ABI2: variants seen among roughly 807,000 people sequenced by gnomAD.
ABI2 encodes the protein abelson interactor 2.
In ABI2, 25 loss-of-function variants were observed where a neutral mutation model predicts 59.2. That is an observed-to-expected ratio of 0.42 (90% CI 0.31 to 0.59). The LOEUF (loss-of-function observed/expected upper bound fraction) is 0.59. ABI2 is among the 20% of genes least tolerant of loss of function. The pLI is 0.14. For synonymous variants in ABI2, 213 were observed against 235.5 expected (o/e 0.90, Z 0.87); for missense variants, 545 against 681.8 (o/e 0.80, Z 2.23).
chr2:203,380,173 C>T, intron 2 of ABI2, 35 bp from the exon 3 acceptor site: 2 of 1,367,712 alleles, frequency 1.5e-6, no homozygotes, highest in Non-Finnish European at 2.0e-6. Flanking sequence ...TAGAACTATA[C>T]ATTTTTGTGT....
At chr2:203,421,441 A>T (rs2098200832) in intron 11 of ABI2, among the ~76,000 whole-genome samples, 2 of 152,374 alleles carry the variant, frequency 1.3e-5, no homozygotes, top group African/African-American at 4.8e-5. Context: ...AAGGAATAAG[A>T]GCCACCTGAT....
chr2:203,359,365 G>A (rs748299731), intron 1 of ABI2, among the ~76,000 whole-genome samples: 64 of 152,212 alleles, frequency 4.2e-4, no homozygotes, highest in Non-Finnish European at 7.2e-4. Flanking sequence ...TATGAGTGAT[G>A]TCTTAATTTA....
At chr2:203,335,524 A>G (rs1384280418) in intron 1 of ABI2, among the ~76,000 whole-genome samples, 1 of 152,204 alleles carries the variant, frequency 6.6e-6, no homozygotes, top group Non-Finnish European at 1.5e-5. Flanking sequence ...TGGCTTCCCA[A>G]AGTGCTGGGA....
chr2:203,367,628 T>C (rs922742346), intron 2 of ABI2, among the ~76,000 whole-genome samples: 1 of 151,886 alleles, frequency 6.6e-6, no homozygotes, highest in African/African-American at 2.4e-5. Context: ...AGTAGAAAAA[T>C]AAACCATTTT....
At position 203,355,811 on chromosome 2, in the gene ABI2, A is replaced by G. The variant is rs1023518603; in HGVS notation, c.118-11066A>G. ...ACGCCATTGCACTCCAGCCTGGGCA[A>G]CAAGAGCAAAACTGTCTCAAAAAAA... On this transcript the variant is annotated intron_variant, in intron 1 of 11. Coordinates refer to ENST00000261018, the MANE Select transcript of ABI2 (RefSeq NM_001375670.1). Among the ~76,000 whole-genome samples the G allele has an allele frequency of 2.7e-5, 4 of 148,020 alleles. No individual in the cohort carries two copies. In the Admixed American group the frequency reaches 2.7e-4, roughly 10 times the overall value.
intron 4 of ABI2, among the ~76,000 whole-genome samples, chr2:203,389,288 A>G (rs969889870): frequency 2.0e-5 from 3 of 152,226 alleles, no homozygotes; most frequent in African/African-American, 7.2e-5. Flanking sequence ...AGCAACAACA[A>G]AAGGATTACA....
chr2:203,335,374 C>T (rs1437684475), intron 1 of ABI2, among the ~76,000 whole-genome samples: 1 of 152,214 alleles, frequency 6.6e-6, no homozygotes, highest in Non-Finnish European at 1.5e-5. Context: ...CTTCACACTT[C>T]AGCTCCCAAA....
intron 1 of ABI2, among the ~76,000 whole-genome samples, chr2:203,338,983 A>AAATAT (rs2078182989): frequency 1.6e-4 from 2 of 12,336 alleles, no homozygotes; most frequent in Admixed American, 1.1e-3. Context: ...TATATATATA[A>AAATAT]ATATATATAT....
intron 5 of ABI2, among the ~76,000 whole-genome samples, chr2:203,392,304 ACC>A (rs1451321061): frequency 4.7e-5 from 4 of 85,608 alleles, no homozygotes; most frequent in East Asian, 2.7e-4. Context: ...CACCACCACC[ACC>A]ACCACCACCA....
At chr2:203,406,032 C>A (rs1300851630) in intron 9 of ABI2, among the ~76,000 whole-genome samples, 2 of 152,016 alleles carry the variant, frequency 1.3e-5, no homozygotes, top group African/African-American at 4.8e-5. Context: ...AACTGAAATC[C>A]CTTTGGTTCT....
At chr2:203,360,184 C>CAAAAAAAAA (rs58857922) in intron 1 of ABI2, among the ~76,000 whole-genome samples, 1 of 70,902 alleles carries the variant, frequency 1.4e-5, no homozygotes, top group Non-Finnish European at 2.7e-5. Context: ...GACTCCATCT[C>CAAAAAAAAA]AAAAAAAAAA....
At chr2:203,375,014 C>T (rs142741195) in intron 2 of ABI2, among the ~76,000 whole-genome samples, 74 of 152,282 alleles carry the variant, frequency 4.9e-4, no homozygotes, top group African/African-American at 1.7e-3. Context: ...GAGTGGGGCT[C>T]AGGCTTGCAA....
chr2:203,416,745 C>T (rs1325542348), intron 10 of ABI2, among the ~76,000 whole-genome samples, 163 bp from the exon 11 acceptor site: 3 of 152,226 alleles, frequency 2.0e-5, no homozygotes, highest in South Asian at 4.1e-4. Flanking sequence ...AGCTCTAGAA[C>T]GTTATAGTTG....
intron 1 of ABI2, chr2:203,351,694 C>A: frequency 6.2e-6 from 2 of 323,798 alleles, no homozygotes; most frequent in Non-Finnish European, 6.0e-6. Flanking sequence ...TGCTACTGTG[C>A]CCGGCTGATT....
At chr2:203,363,697 A>G (rs1487184483) in intron 1 of ABI2, among the ~76,000 whole-genome samples, 1 of 152,160 alleles carries the variant, frequency 6.6e-6, no homozygotes, top group Non-Finnish European at 1.5e-5. Context: ...TGTTGTTGCA[A>G]ATGACTGAAT....
chr2:203,388,973 C>T (rs575030679), intron 4 of ABI2, among the ~76,000 whole-genome samples: 3 of 152,072 alleles, frequency 2.0e-5, no homozygotes, highest in African/African-American at 4.8e-5. Context: ...TTCACTTCTC[C>T]CTCATCACTT....
intron 11 of ABI2, among the ~76,000 whole-genome samples, chr2:203,422,858 C>G (rs1206428025): frequency 6.6e-6 from 1 of 152,090 alleles, no homozygotes; most frequent in Non-Finnish European, 1.5e-5. Context: ...TGATAGTGTC[C>G]AGGTTAACTT....
At chr2:203,362,360 C>A (rs188257149) in intron 1 of ABI2, among the ~76,000 whole-genome samples, 39 of 152,220 alleles carry the variant, frequency 2.6e-4, no homozygotes, top group Non-Finnish European at 7.4e-5. Context: ...TTAATAACTT[C>A]TAATATAGCA....
At chr2:203,417,177 A>T (rs2097926640) in intron 11 of ABI2, 96 bp downstream of exon 11, 1 of 1,125,930 alleles carries the variant, frequency 8.9e-7, no homozygotes, top group Non-Finnish European at 1.2e-6. Flanking sequence ...CTACTAAGTG[A>T]AGTTCTATTT....
Sources: gnomAD v4.1 joint callset for allele counts (sites outside exome capture counted in the v4.1 genomes callset) on GRCh38, gnomAD v4.1.1 for gene constraint, MANE v1.5 for transcripts, NCBI Gene and HGNC (gene_info 2026-07-23, HGNC 2026-07-21) for gene names.